The following PIK3C3 variants were observed in gnomAD, a reference collection of about 807,000 sequenced individuals.
PIK3C3 encodes the protein phosphatidylinositol 3-kinase catalytic subunit type 3.
In PIK3C3, 95 loss-of-function variants were observed where a neutral mutation model predicts 126.1. The observed-to-expected ratio is 0.75, with a 90% CI of 0.64 to 0.89. The LOEUF (loss-of-function observed/expected upper bound fraction) is 0.89, where lower values mean the gene tolerates loss of function less well. Among genes scored for constraint, PIK3C3 ranks in the 40% least tolerant of loss-of-function variants. The pLI is 0.00. For missense variants in PIK3C3, 829 were observed against 1,063.2 expected (o/e 0.78, Z 3.06); for synonymous variants, 374 against 360.0 (o/e 1.04, Z -0.44).
intron 24 of PIK3C3, among the ~76,000 whole-genome samples, chr18:42,069,539 T>A (rs1397519882): frequency 1.3e-5 from 2 of 152,256 alleles, no homozygotes; most frequent in African/African-American, 4.8e-5. Flanking sequence ...GGCCCATCTC[T>A]GTGTGTGTAC....
At chr18:42,026,377 T>C (rs1163001579) in intron 13 of PIK3C3, 2 of 152,358 alleles carry the variant, frequency 1.3e-5, no homozygotes, top group South Asian at 2.1e-4. Context: ...ATTAACATAT[T>C]GCTCACAGGA....
At chr18:42,036,870 TG>T (rs1465179446) in intron 16 of PIK3C3, among the ~76,000 whole-genome samples, 1 of 152,160 alleles carries the variant, frequency 6.6e-6, no homozygotes, top group African/African-American at 2.4e-5. Context: ...TGAAACTTTT[TG>T]AGTGCTGACA....
intron 2 of PIK3C3, among the ~76,000 whole-genome samples, chr18:41,959,091 G>A (rs995934704): frequency 7.2e-5 from 11 of 152,116 alleles, no homozygotes; most frequent in African/African-American, 2.7e-4. Flanking sequence ...AGAATTTTGT[G>A]TTTTGTGTAC....
intron 20 of PIK3C3, among the ~76,000 whole-genome samples, chr18:42,044,678 C>T (rs1207471172): frequency 6.6e-6 from 1 of 152,098 alleles, no homozygotes; most frequent in African/African-American, 2.4e-5. Context: ...CTTTGGCCTC[C>T]CAAAGTGCAA....
At chr18:42,043,674 A>G (rs1464892159) in intron 19 of PIK3C3, 59 bp from the exon 20 acceptor site, 31 of 1,134,658 alleles carry the variant, frequency 2.7e-5, no homozygotes, top group Non-Finnish European at 3.9e-5. Context: ...TATAGTTTCA[A>G]AACACCTAGT....
At chr18:41,974,547 AC>A (rs937608315) in intron 4 of PIK3C3, among the ~76,000 whole-genome samples, 12 of 143,912 alleles carry the variant, frequency 8.3e-5, no homozygotes, top group Non-Finnish European at 1.5e-4. Flanking sequence ...ATACACTATT[AC>A]CCCCCCACCC....
At chr18:41,963,899 T>C (rs1980225718) in intron 3 of PIK3C3, among the ~76,000 whole-genome samples, 1 of 151,966 alleles carries the variant, frequency 6.6e-6, no homozygotes, top group East Asian at 1.9e-4. Context: ...GAATTAGCCC[T>C]TTGTGGGTTA....
At chr18:41,987,494 T>G (rs1016702889) in intron 4 of PIK3C3, among the ~76,000 whole-genome samples, 1 of 152,070 alleles carries the variant, frequency 6.6e-6, no homozygotes, top group African/African-American at 2.4e-5. Context: ...ATGAAACTAT[T>G]ATTATAATTT....
In PIK3C3 at chr18:42,049,198, T is replaced by C. The variant is rs906052071; in HGVS notation, c.2189-333T>C. On this transcript the variant is annotated intron_variant, in intron 20 of 24. Coordinates refer to ENST00000262039, the MANE Select transcript of PIK3C3 (RefSeq NM_002647.4). ...TTACAGATAACATGGTTACGAGTTATGGGATAATTGACGGTTGACTTTTAA... is the reference window on the plus strand; with the variant it reads ...TTACAGATAACATGGTTACGAGTTACGGGATAATTGACGGTTGACTTTTAA... 5.5e-5 allele frequency: 10 copies of C among 180,496 alleles called. 1 individual carries two copies. The Middle Eastern group carries it at 9.7e-3, about 174-fold the overall frequency. 11.2% of individuals were successfully genotyped at this position (180,496 alleles called of 1,614,324 possible). A position where few individuals can be genotyped will look rare whatever the true frequency, so the allele number is the denominator to read the frequency against.
intron 12 of PIK3C3, among the ~76,000 whole-genome samples, chr18:42,016,496 A>T (rs1983081315): frequency 6.6e-6 from 1 of 152,134 alleles, no homozygotes; most frequent in African/African-American, 2.4e-5. Context: ...GCTGGGGTTG[A>T]TGCAGCAGAA....
intron 2 of PIK3C3, among the ~76,000 whole-genome samples, chr18:41,960,770 G>GT (rs1398689355): frequency 6.7e-6 from 1 of 150,128 alleles, no homozygotes; most frequent in East Asian, 1.9e-4. Context: ...TTGAGATGGC[G>GT]TCTCGCTCTG....
chr18:42,057,448 AAGTT>A (rs1326753300), intron 21 of PIK3C3, among the ~76,000 whole-genome samples: 4 of 152,140 alleles, frequency 2.6e-5, no homozygotes, highest in Non-Finnish European at 5.9e-5. Flanking sequence ...GAGTAATAAT[AAGTT>A]AGCAGAAGGA....
chr18:42,045,964 T>C (rs1984540643), intron 20 of PIK3C3, among the ~76,000 whole-genome samples: 1 of 152,194 alleles, frequency 6.6e-6, no homozygotes, highest in African/African-American at 2.4e-5. Context: ...TTCTGCTCAT[T>C]AGTAAAATTA....
intron 10 of PIK3C3, among the ~76,000 whole-genome samples, chr18:42,007,767 T>G (rs953862940): frequency 1.3e-5 from 2 of 152,218 alleles, no homozygotes; most frequent in African/African-American, 4.8e-5. Flanking sequence ...GGTATAGCAT[T>G]ATGGTAGCTG....
intron 9 of PIK3C3, among the ~76,000 whole-genome samples, chr18:41,998,030 TTTAAG>T (rs1982111411): frequency 6.6e-6 from 1 of 152,168 alleles, no homozygotes; most frequent in African/African-American, 2.4e-5. Flanking sequence ...TCTTTACTAT[TTTAAG>T]TTGTTTTTCT....
chr18:41,962,390 A>T (rs1291574791), intron 2 of PIK3C3, 99 bp from the exon 3 acceptor site: 1 of 959,204 alleles, frequency 1.0e-6, no homozygotes, highest in Admixed American at 3.8e-5. Context: ...ACATTTTTGG[A>T]ACCTTTTCCT....
Position 42,019,047 on chromosome 18 carries a change from ACAATTCTGC to A in PIK3C3, c.1417-1589_1417-1581del, listed in dbSNP as rs991842758. Reference sequence around the variant, plus strand: ...TGCCCCGCCTCCCAATCTCTAGATGACAATTCTGCCTCATACTTAATGGAAACAATAGAA... The same window carrying A: ...TGCCCCGCCTCCCAATCTCTAGATGACTCATACTTAATGGAAACAATAGAA... On this transcript the variant is annotated intron_variant, in intron 12 of 24. Coordinates refer to ENST00000262039, the MANE Select transcript of PIK3C3 (RefSeq NM_002647.4). 2.0e-5 allele frequency among the ~76,000 whole-genome samples: 3 copies of A among 152,070 alleles called. No individual in the cohort carries two copies. In the East Asian group the frequency reaches 5.8e-4, roughly 29 times the overall value.
At chr18:42,015,412 A>G in intron 11 of PIK3C3, 64 bp from the exon 12 acceptor site, 1 of 1,234,332 alleles carries the variant, frequency 8.1e-7, no homozygotes, top group Non-Finnish European at 1.2e-6. Context: ...TCCATAAAAA[A>G]TTGTGCGTTC....
At position 42,057,615 on chromosome 18, in the gene PIK3C3, A is replaced by T. The variant is rs1985129772; in HGVS notation, c.2264-268A>T. On this transcript the variant is annotated intron_variant, in intron 21 of 24. Transcript: ENST00000262039. ...TGACCGTCTTTGATTCTGAAGACTT[A>T]TAAATAGGATTTAACATTTTTAGAT... 1.2e-5 allele frequency: 4 copies of T among 344,576 alleles called. No homozygotes were observed. The South Asian group carries it at 1.4e-4, about 12-fold the overall frequency. 21.3% of individuals were successfully genotyped at this position (344,576 alleles called of 1,614,324 possible). A position where few individuals can be genotyped will look rare whatever the true frequency, so the allele number is the denominator to read the frequency against.
Sources: allele counts gnomAD v4.1 joint callset (sites outside exome capture counted in the v4.1 genomes callset), GRCh38; gene constraint gnomAD v4.1.1; transcripts MANE v1.5; gene names NCBI Gene and HGNC (gene_info 2026-07-23, HGNC 2026-07-21).